Variants in DPH5 observed in about 807,000 individuals in gnomAD.
DPH5 encodes the protein diphthamide biosynthesis 5, also known as diphthine methyl ester synthase.
A neutral mutation model predicts 31.6 loss-of-function variants in DPH5; 31 were observed. The observed-to-expected ratio is 0.98, with a 90% CI of 0.74 to 1.32. The LOEUF (loss-of-function observed/expected upper bound fraction) is 1.32. Among genes scored for constraint, DPH5 ranks in the 40% most tolerant of loss-of-function variants. The pLI, the probability that DPH5 is intolerant of heterozygous loss-of-function variation, is 0.00. For synonymous variants in DPH5, 120 were observed against 115.0 expected (o/e 1.04, Z -0.28); for missense variants, 309 against 335.7 (o/e 0.92, Z 0.62).
chr1:101,019,873 G>A (rs1414055366), intron 3 of DPH5, among the ~76,000 whole-genome samples: 1 of 151,920 alleles, frequency 6.6e-6, no homozygotes, highest in African/African-American at 2.4e-5. Context: ...AATGAAAGAG[G>A]TAGCATCTGA....
At chr1:100,998,422 T>C (rs149409934) in intron 5 of DPH5, among the ~76,000 whole-genome samples, 2 of 151,378 alleles carry the variant, frequency 1.3e-5, no homozygotes, top group East Asian at 1.9e-4. Flanking sequence ...GGCAGGAGAA[T>C]TGCTTGAACC....
chr1:101,002,628 C>G (rs1658957019), intron 4 of DPH5, among the ~76,000 whole-genome samples: 1 of 152,082 alleles, frequency 6.6e-6, no homozygotes, highest in African/African-American at 2.4e-5. Context: ...TATAATAGAA[C>G]TGGTAAGCAC....
Position 101,025,685 on chromosome 1 carries a change from G to A in DPH5, c.-26C>T. 3.8e-6 allele frequency: 2 copies of A among 520,536 alleles called. No individual in the cohort carries two copies. The highest frequency in any genetic ancestry group is 1.9e-5 in the African/African-American group (1 of 51,990). The allele number at this position is 520,536 out of a possible 1,614,324, so 32.2% of individuals were successfully genotyped here. A position where few individuals can be genotyped will look rare whatever the true frequency, so the allele number is the denominator to read the frequency against. On this transcript the variant is annotated splice_region_variant and 5_prime_UTR_variant, in exon 1 of 8. Transcript: ENST00000370109. ...CAAACCTAGGAGCAGCCAATTACCC[G>A]CTGAGAGAATCGTAGGTAGTTCTCT...
Position 100,995,095 on chromosome 1 carries a change from A to T in DPH5, c.530+15T>A, listed in dbSNP as rs1658225517. 4.5e-6 allele frequency: 7 copies of T among 1,556,260 alleles called. No homozygotes were observed. The highest frequency in any genetic ancestry group is 6.2e-6 in the Non-Finnish European group (7 of 1,128,786). ...AAATAAAACACATGTATGCATTCTC[A>T]GAATAATAACTTACTTGATTAGATT... On this transcript the variant is annotated intron_variant, in intron 6 of 7. Coordinates refer to ENST00000370109, the MANE Select transcript of DPH5 (RefSeq NM_015958.3).
chr1:101,023,385 A>C (rs1660612441), intron 2 of DPH5: 1 of 152,220 alleles, frequency 6.6e-6, no homozygotes, highest in Admixed American at 6.5e-5. Context: ...AAAGCATTTA[A>C]AACAGTGCAC....
intron 4 of DPH5, among the ~76,000 whole-genome samples, chr1:101,007,954 T>TACAA (rs1054039363): frequency 2.0e-5 from 3 of 152,132 alleles, no homozygotes; most frequent in African/African-American, 7.2e-5. Context: ...GTTAAACAAA[T>TACAA]ACAAGTGTTA....
intron 1 of DPH5, 29 bp from the exon 2 acceptor site, chr1:101,025,495 T>C: frequency 6.2e-7 from 1 of 1,606,110 alleles, no homozygotes; most frequent in Non-Finnish European, 8.5e-7. Flanking sequence ...AGAAAAACCG[T>C]CAGTAACACC....
chr1:101,001,961 C>T (rs548079633), intron 4 of DPH5, among the ~76,000 whole-genome samples: 2 of 152,178 alleles, frequency 1.3e-5, no homozygotes, highest in South Asian at 2.1e-4. Flanking sequence ...ATATTGTTCT[C>T]ATTTTACAGA....
At chr1:101,015,754 A>G (rs772060448) in intron 3 of DPH5, among the ~76,000 whole-genome samples, 6 of 152,170 alleles carry the variant, frequency 3.9e-5, no homozygotes, top group Non-Finnish European at 7.4e-5. Context: ...CCTTAGCTAG[A>G]CCTTCTGGAT....
intron 4 of DPH5, among the ~76,000 whole-genome samples, chr1:101,012,472 G>C (rs532497002): frequency 6.6e-6 from 1 of 152,268 alleles, no homozygotes; most frequent in Non-Finnish European, 1.5e-5. Flanking sequence ...AAGAGTTTTA[G>C]CTCCATCTAC....
chr1:101,010,631 TCA>T (rs1326226312), intron 4 of DPH5, among the ~76,000 whole-genome samples: 1 of 152,210 alleles, frequency 6.6e-6, no homozygotes, highest in Admixed American at 6.5e-5. Flanking sequence ...TCTACTCTGT[TCA>T]ATAACTTGAT....
chr1:101,009,039 A>T (rs1659449316), intron 4 of DPH5, among the ~76,000 whole-genome samples: 1 of 152,192 alleles, frequency 6.6e-6, no homozygotes, highest in South Asian at 2.1e-4. Flanking sequence ...ATGTAAACAG[A>T]ATCAAATAAT....
At chr1:100,995,384 T>C (rs1014350161) in intron 5 of DPH5, 3 of 397,520 alleles carry the variant, frequency 7.5e-6, no homozygotes, top group Non-Finnish European at 1.4e-5. Context: ...TAATTTCCTT[T>C]TGGAAAAGAA....
chr1:101,016,700 G>A (rs1487252078), intron 3 of DPH5, among the ~76,000 whole-genome samples: 1 of 152,084 alleles, frequency 6.6e-6, no homozygotes, highest in Non-Finnish European at 1.5e-5. Flanking sequence ...GCCCACCTCA[G>A]CCTCCCAAAG....
chr1:101,013,240 C>G (rs1432477061), intron 4 of DPH5, among the ~76,000 whole-genome samples: 2 of 152,216 alleles, frequency 1.3e-5, no homozygotes, highest in East Asian at 3.9e-4. Context: ...CCCTCAGAAC[C>G]AAGACTGTTG....
In DPH5 at chr1:101,001,414, G is replaced by T. The variant is rs539068194; in HGVS notation, c.490+53C>A. The T allele has an allele frequency of 7.9e-5, 123 of 1,558,138 alleles. No individual in the cohort carries two copies. The Middle Eastern group carries it at 2.8e-3, about 35-fold the overall frequency. ...AGACCTTAACACAAAATCAAAATGAGAACAGTATGATAGTTCCATATTGTT... is the reference window on the plus strand; with the variant it reads ...AGACCTTAACACAAAATCAAAATGATAACAGTATGATAGTTCCATATTGTT... On this transcript the variant is annotated intron_variant, in intron 5 of 7. Transcript: ENST00000370109.
intron 3 of DPH5, among the ~76,000 whole-genome samples, chr1:101,016,733 C>G (rs1283751254): frequency 6.6e-6 from 1 of 152,122 alleles, no homozygotes; most frequent in East Asian, 1.9e-4. Flanking sequence ...AGGTGTGAGC[C>G]ACCACACCCA....
chr1:101,003,916 T>TA (rs980288575), intron 4 of DPH5, among the ~76,000 whole-genome samples: 3 of 152,078 alleles, frequency 2.0e-5, no homozygotes, highest in African/African-American at 7.2e-5. Flanking sequence ...GTAAAACTGT[T>TA]AAAAAAATTA....
At chr1:100,991,815 G>T (rs914902588) in intron 7 of DPH5, among the ~76,000 whole-genome samples, 2 of 135,220 alleles carry the variant, frequency 1.5e-5, no homozygotes, top group African/African-American at 5.8e-5. Flanking sequence ...TCTCACAGTG[G>T]GCCAGGCGTG....
Sources: gnomAD v4.1 joint callset for allele counts (sites outside exome capture counted in the v4.1 genomes callset) on GRCh38, gnomAD v4.1.1 for gene constraint, MANE v1.5 for transcripts, NCBI Gene and HGNC (gene_info 2026-07-23, HGNC 2026-07-21) for gene names.